The following LONP2 variants were observed in gnomAD, a reference collection of about 807,000 sequenced individuals.
The protein encoded by LONP2 is lon peptidase 2, peroxisomal, also known as lon protease homolog 2, peroxisomal.
A neutral mutation model predicts 85.6 loss-of-function variants in LONP2; 60 were observed. The observed-to-expected ratio is 0.70, with a 90% CI of 0.57 to 0.87. The LOEUF is 0.87. LONP2 is among the 40% of genes least tolerant of loss of function. The probability of loss-of-function intolerance (pLI) is 0.00; values close to 1 mark genes in which losing one functional copy is unlikely to be tolerated. For synonymous variants in LONP2, 395 were observed against 389.7 expected (o/e 1.01, Z -0.16); for missense variants, 860 against 1,063.5 (o/e 0.81, Z 2.66).
intron 8 of LONP2, among the ~76,000 whole-genome samples, chr16:48,293,781 AAGAC>A (rs1388242237): frequency 6.6e-6 from 1 of 152,178 alleles, no homozygotes; most frequent in Non-Finnish European, 1.5e-5. Flanking sequence ...GGATTTTACA[AAGAC>A]AGAGGGAAGG....
intron 6 of LONP2, among the ~76,000 whole-genome samples, chr16:48,268,011 T>C (rs1972027443): frequency 6.6e-6 from 1 of 152,296 alleles, no homozygotes; most frequent in East Asian, 1.9e-4. Flanking sequence ...GAAAGAGTTG[T>C]AGGAAATATG....
At chr16:48,358,989 A>G (rs930293804), downstream of LONP2, among the ~76,000 whole-genome samples, 3 of 152,070 alleles carry the variant, frequency 2.0e-5, no homozygotes, top group Admixed American at 1.3e-4. Context: ...AATATACCCA[A>G]TATGTTTTGT....
At chr16:48,244,669 C>T (rs1971245043) in intron 1 of LONP2, 48 bp downstream of exon 1, 1 of 1,277,078 alleles carries the variant, frequency 7.8e-7, no homozygotes, top group Non-Finnish European at 1.0e-6. Context: ...CGGCCTCCTC[C>T]GGGGACCTGG....
At chr16:48,270,912 G>A (rs1001186518) in intron 7 of LONP2, among the ~76,000 whole-genome samples, 2 of 152,078 alleles carry the variant, frequency 1.3e-5, no homozygotes, top group Admixed American at 6.6e-5. Context: ...TGGATTGTTT[G>A]AGCCTAACAG....
At position 48,354,079 on chromosome 16, in the gene LONP2, T is replaced by TTGG. The variant is rs1234432511; in HGVS notation, c.*2277_*2278insTGG. Reference sequence around the variant, plus strand: ...CTTTTTCACCTGGGTTTTTTTTTTTTGGGGGGGGTGGGGGGTTAGGGGTGG... The same window carrying TTGG: ...CTTTTTCACCTGGGTTTTTTTTTTTTTGGGGGGGGGGTGGGGGGTTAGGGGTGG... On this transcript the variant is annotated 3_prime_UTR_variant, in exon 15 of 15. Transcript: ENST00000285737. 5.8e-5 allele frequency: 1 copy of TTGG among 17,374 alleles called. No homozygotes were observed. The highest frequency in any genetic ancestry group is 1.8e-4 in the African/African-American group (1 of 5,430). The allele number at this position is 17,374 out of a possible 1,614,324, so 1.1% of individuals were successfully genotyped here. A position where few individuals can be genotyped will look rare whatever the true frequency, so the allele number is the denominator to read the frequency against.
intron 12 of LONP2, among the ~76,000 whole-genome samples, chr16:48,338,028 A>G (rs1959705163): frequency 6.6e-6 from 1 of 152,096 alleles, no homozygotes; most frequent in South Asian, 2.1e-4. Flanking sequence ...GACTGGTCTC[A>G]AACTCCTGAG....
rs1398683750 is a variant in LONP2 at position 48,312,737 on chromosome 16, G to A, written c.1795+9432G>A. Among the ~76,000 whole-genome samples the A allele has an allele frequency of 3.9e-5, 6 of 152,202 alleles. 1 individual carries two copies. The highest frequency in any genetic ancestry group is 2.0e-4 in the Admixed American group (3 of 15,280). On this transcript the variant is annotated intron_variant, in intron 11 of 14. Coordinates refer to ENST00000285737, the MANE Select transcript of LONP2 (RefSeq NM_031490.5). ...GCACTATGCAGTTGTATCAATAGAT[G>A]TTGTAATGGGTGGTGCAGGTTGACT...
intron 7 of LONP2, among the ~76,000 whole-genome samples, chr16:48,274,400 T>C (rs1972164054): frequency 6.6e-6 from 1 of 152,126 alleles, no homozygotes; most frequent in African/African-American, 2.4e-5. Flanking sequence ...GTGAGCGCTC[T>C]CTGGGTGTTT....
intron 11 of LONP2, among the ~76,000 whole-genome samples, chr16:48,313,697 A>C (rs1973082082): frequency 2.0e-5 from 3 of 152,180 alleles, no homozygotes; most frequent in Admixed American, 2.0e-4. Context: ...CATGGTGTAC[A>C]TGTACCACAT....
intron 12 of LONP2, 168 bp downstream of exon 12, chr16:48,334,526 C>T: frequency 1.3e-6 from 1 of 793,852 alleles, no homozygotes; most frequent in Non-Finnish European, 2.2e-6. Flanking sequence ...CTTCTTGCAG[C>T]AGTTGACTGC....
Position 48,296,015 on chromosome 16 carries a change from G to C in LONP2, c.1384G>C (p.Val462Leu). The change falls in exon 9 of 15, where the codon GTG (valine) becomes CTG (leucine). Residue 462 changes from valine (V) to leucine (L), a missense_variant and splice_region_variant. Coordinates refer to ENST00000285737, the MANE Select transcript of LONP2 (RefSeq NM_031490.5). ...QGDPAAALLE[V>L]LDPEQNHNFT... ...TAAAATGTTTTTTGTTCTCCCCTAG[G>C]TGTTGGATCCTGAACAAAACCATAA... The C allele has an allele frequency of 6.2e-7, 1 of 1,613,834 alleles. No individual in the cohort carries two copies. The highest frequency in any genetic ancestry group is 1.1e-5 in the South Asian group (1 of 91,050).
chr16:48,261,587 G>T lies in LONP2; in HGVS notation c.887G>T (p.Arg296Ile). Residue 296 changes from arginine to isoleucine, a missense_variant and splice_region_variant, in exon 5 of 15, where the codon AGA (arginine) becomes ATA (isoleucine). Transcript: ENST00000285737. ...AHKVCVKEIK[R>I]LKKMPQSMPE... ...AAAGTCTGTGTCAAAGAGATAAAGA[G>T]GTAAATTATAAAAGGCATTTGTTCA... 1.3e-6 allele frequency: 2 copies of T among 1,547,832 alleles called. No homozygotes were observed. Among genetic ancestry groups the T allele is most frequent in the Non-Finnish European group, 8.7e-7 (1 of 1,147,592 alleles).
In LONP2 at chr16:48,351,714, C is replaced by T. The variant is rs139067212; in HGVS notation, c.2471C>T (p.Ala824Val). ...NVRQDLSFVT[A>V]SCLDEVLNAA... The stretch of plus-strand genomic sequence containing the variant: ...CGACAGGATTTAAGTTTTGTCACAG[C>T]AAGCTGCCTGGATGAGGTTCTTAAT... The change falls in exon 15 of 15, where the codon GCA becomes GTA. Residue 824 changes from alanine (A) to valine (V), a missense_variant. By Grantham distance (64) the Ala-to-Val change is moderately conservative. This residue lies in a region of LONP2 where 115 missense variants were observed against 129.0 expected (regional missense o/e 0.89). Transcript: ENST00000285737. 6.2e-7 allele frequency: 1 copy of T among 1,614,202 alleles called. No homozygotes were observed. Among genetic ancestry groups the T allele is most frequent in the Non-Finnish European group, 8.5e-7 (1 of 1,180,040 alleles).
Position 48,348,387 on chromosome 16 carries a change from C to T in LONP2, c.2337+97C>T, listed in dbSNP as rs1378113234. ...CGGGTTTGCCTTCTTTCTATGAAAA[C>T]CTTGGTTTTAAGTATATATTATATT... On this transcript the variant is annotated intron_variant, in intron 14 of 14. Transcript: ENST00000285737. 4 of 765,818 alleles carry T rather than the reference C, an allele frequency of 5.2e-6. No individual in the cohort carries two copies. In the African/African-American group the frequency reaches 5.5e-5, roughly 10 times the overall value. The allele number at this position is 765,818 out of a possible 1,614,324, so 47.4% of individuals were successfully genotyped here. A position where few individuals can be genotyped will look rare whatever the true frequency, so the allele number is the denominator to read the frequency against.
At chr16:48,279,401 G>C (rs1007003124) in intron 8 of LONP2, among the ~76,000 whole-genome samples, 1 of 151,976 alleles carries the variant, frequency 6.6e-6, no homozygotes, top group Non-Finnish European at 1.5e-5. Flanking sequence ...TTCTTAGGAT[G>C]GTCAGATTCC....
In LONP2 at chr16:48,289,163, G is replaced by A. The variant is rs540909223; in HGVS notation, c.1384-6852G>A. On this transcript the variant is annotated intron_variant, in intron 8 of 14. Coordinates refer to ENST00000285737, the MANE Select transcript of LONP2 (RefSeq NM_031490.5). ...TTGTAATATTAGGCTCTGTGAACCC[G>A]GAAAATTTGAGACAGGTCTCAGTTA... Among the ~76,000 whole-genome samples the A allele has an allele frequency of 3.3e-5, 5 of 152,210 alleles. No homozygotes were observed. The East Asian group carries it at 5.8e-4, about 18-fold the overall frequency.
chr16:48,260,637 T>C (rs944564392), intron 4 of LONP2, among the ~76,000 whole-genome samples: 2 of 152,238 alleles, frequency 1.3e-5, no homozygotes, highest in African/African-American at 4.8e-5. Context: ...AATTAAATGC[T>C]AGTATATAAT....
intron 13 of LONP2, 70 bp from the exon 14 acceptor site, chr16:48,348,030 C>T (rs1960022831): frequency 1.5e-6 from 2 of 1,359,324 alleles, no homozygotes; most frequent in East Asian, 2.4e-5. Flanking sequence ...TTGTTTGTGA[C>T]TTTTTTTTTA....
chr16:48,301,859 C>T (rs1421062285), intron 10 of LONP2, among the ~76,000 whole-genome samples: 2 of 152,194 alleles, frequency 1.3e-5, no homozygotes, highest in Admixed American at 6.5e-5. Flanking sequence ...TAAGTGTTCT[C>T]TTCTTCAAGC....
Sources: allele counts gnomAD v4.1 joint callset (sites outside exome capture counted in the v4.1 genomes callset), GRCh38; gene constraint gnomAD v4.1.1; regional missense constraint gnomAD v4.1.1; transcripts MANE v1.5; gene names NCBI Gene and HGNC (gene_info 2026-07-23, HGNC 2026-07-21).